Variants in DCDC1 observed in about 807,000 individuals in gnomAD.
DCDC1 encodes doublecortin domain-containing protein 1.
DCDC1 carries 200 observed loss-of-function variants against 178.3 expected under a neutral mutation model. The ratio of observed to expected loss-of-function variants is 1.12; its 90% CI spans 1.00 to 1.26. The LOEUF (loss-of-function observed/expected upper bound fraction) is 1.26, where lower values mean the gene tolerates loss of function less well. Ranked by LOEUF, DCDC1 falls within the 50% of genes most tolerant of loss-of-function variation. The probability of loss-of-function intolerance (pLI) is 0.00; values close to 1 mark genes in which losing one functional copy is unlikely to be tolerated. For missense variants in DCDC1, 1,983 were observed against 1,749.2 expected (o/e 1.13, Z -2.38); for synonymous variants, 690 against 604.8 (o/e 1.14, Z -2.07).
rs1427064441 is a variant in DCDC1, at chr11:31,317,501, G to A, written c.165-9593C>T. Among the ~76,000 whole-genome samples, 3 of 57,740 alleles carry A rather than the reference G, an allele frequency of 5.2e-5. 1 individual carries two copies. Among genetic ancestry groups the A allele is most frequent in the Non-Finnish European group, 8.9e-5 (3 of 33,712 alleles). 37.9% of individuals were successfully genotyped at this position (57,740 alleles called of 152,430 possible). On this transcript the variant is annotated intron_variant, in intron 3 of 38. Coordinates refer to ENST00000684477, the MANE Select transcript of DCDC1 (RefSeq NM_001387274.1). ...AGAATGCTTGTGATTCTTGTACATTGATTTTGTATCCTGAGACTTTGCTGA... is the reference window on the plus strand; with the variant it reads ...AGAATGCTTGTGATTCTTGTACATTAATTTTGTATCCTGAGACTTTGCTGA...
intron 9 of DCDC1, among the ~76,000 whole-genome samples, chr11:31,147,805 G>A (rs1964607847): frequency 1.3e-5 from 2 of 152,166 alleles, no homozygotes; most frequent in African/African-American, 4.8e-5. Flanking sequence ...TTTAAGGGAA[G>A]GCCAAAGAAA....
chr11:30,887,165 T>C (rs1214733369), intron 36 of DCDC1, among the ~76,000 whole-genome samples: 1 of 152,192 alleles, frequency 6.6e-6, no homozygotes, highest in East Asian at 1.9e-4. Flanking sequence ...TAATGACATA[T>C]CATGCATGGA....
intron 7 of DCDC1, among the ~76,000 whole-genome samples, chr11:31,285,245 T>C (rs1417437992): frequency 6.8e-6 from 1 of 146,240 alleles, no homozygotes; most frequent in East Asian, 1.9e-4. Context: ...TTAAAACTCT[T>C]CTTTTGTGTT....
intron 9 of DCDC1, among the ~76,000 whole-genome samples, chr11:31,228,018 T>C (rs1481946484): frequency 1.3e-5 from 2 of 151,988 alleles, no homozygotes; most frequent in Non-Finnish European, 2.9e-5. Flanking sequence ...GAAAACATTG[T>C]TAGAACTGAA....
In DCDC1 at chr11:31,094,369, T is replaced by C. The variant is rs558310304; in HGVS notation, c.1984-185A>G. 3.9e-5 allele frequency among the ~76,000 whole-genome samples: 6 copies of C among 152,328 alleles called. No individual in the cohort carries two copies. In the East Asian group the frequency reaches 1.2e-3, roughly 29 times the overall value. ...TATTTGTTGAGCACCAACTCTATTA[T>C]GCAAGACCCTATGCTGTGTGGTGTG... On this transcript the variant is annotated intron_variant, in intron 15 of 38. Coordinates refer to ENST00000684477, the MANE Select transcript of DCDC1 (RefSeq NM_001387274.1).
intron 10 of DCDC1, among the ~76,000 whole-genome samples, chr11:31,133,585 T>C (rs1962730182): frequency 6.6e-6 from 1 of 152,234 alleles, no homozygotes; most frequent in South Asian, 2.1e-4. Flanking sequence ...GAGAGCAAAG[T>C]GAACTATCCC....
intron 8 of DCDC1, among the ~76,000 whole-genome samples, chr11:31,246,413 A>G (rs1943568997): frequency 6.6e-6 from 1 of 151,982 alleles, no homozygotes; most frequent in Non-Finnish European, 1.5e-5. Context: ...GATATCATTT[A>G]GAAATACACC....
intron 20 of DCDC1, among the ~76,000 whole-genome samples, chr11:31,063,997 G>A (rs1956113681): frequency 6.6e-6 from 1 of 152,054 alleles, no homozygotes; most frequent in South Asian, 2.1e-4. Flanking sequence ...CAATATCAAT[G>A]ATGTTATTTT....
intron 20 of DCDC1, among the ~76,000 whole-genome samples, chr11:30,984,314 C>T (rs1053061622): frequency 2.0e-5 from 3 of 152,136 alleles, no homozygotes; most frequent in African/African-American, 7.2e-5. Context: ...AACAAATATG[C>T]CACTCAGCAC....
chr11:31,064,067 A>G (rs1956117529), intron 20 of DCDC1, among the ~76,000 whole-genome samples: 1 of 152,142 alleles, frequency 6.6e-6, no homozygotes, highest in African/African-American at 2.4e-5. Context: ...TCTTTTGTGC[A>G]CTTAACCTTG....
At position 31,064,338 on chromosome 11, in the gene DCDC1, A is replaced by T. The variant is rs11031274; in HGVS notation, c.2591+131T>A. The T allele has an allele frequency of 5.1e-6, 3 of 592,696 alleles. No individual in the cohort carries two copies. The East Asian group carries it at 7.7e-5, about 15-fold the overall frequency. The allele number at this position is 592,696 out of a possible 1,614,324, so 36.7% of individuals were successfully genotyped here. A position where few individuals can be genotyped will look rare whatever the true frequency, so the allele number is the denominator to read the frequency against. Reference sequence around the variant, plus strand: ...CTTTCTTCATCAAATGTGACCCAAAAACTACTACGCTTGAAAGCCAAAGGG... The same window carrying T: ...CTTTCTTCATCAAATGTGACCCAAATACTACTACGCTTGAAAGCCAAAGGG... On this transcript the variant is annotated intron_variant, in intron 20 of 38. Coordinates refer to ENST00000684477, the MANE Select transcript of DCDC1 (RefSeq NM_001387274.1).
intron 7 of DCDC1, among the ~76,000 whole-genome samples, chr11:31,271,400 C>G (rs886925941): frequency 1.3e-5 from 2 of 152,216 alleles, no homozygotes; most frequent in Admixed American, 1.3e-4. Flanking sequence ...GATATTGAAA[C>G]GTAAGTCTTT....
At chr11:30,898,540 G>A (rs1016456302) in intron 34 of DCDC1, among the ~76,000 whole-genome samples, 3 of 152,104 alleles carry the variant, frequency 2.0e-5, no homozygotes, top group African/African-American at 7.2e-5. Flanking sequence ...GGAACACCTG[G>A]GTAGATGGTA....
intron 20 of DCDC1, among the ~76,000 whole-genome samples, chr11:31,017,229 G>C (rs1340744409): frequency 1.3e-5 from 2 of 152,106 alleles, no homozygotes; most frequent in Non-Finnish European, 2.9e-5. Flanking sequence ...CTTACATGCA[G>C]ATTTTCTTCC....
intron 38 of DCDC1, among the ~76,000 whole-genome samples, chr11:30,873,337 G>GTGTA (rs1554953024): frequency 7.2e-6 from 1 of 138,310 alleles, no homozygotes; most frequent in African/African-American, 2.9e-5. Flanking sequence ...AAATGTGTGT[G>GTGTA]TATATACATA....
chr11:31,073,443 C>T (rs927937300), intron 18 of DCDC1, among the ~76,000 whole-genome samples: 12 of 152,058 alleles, frequency 7.9e-5, no homozygotes, highest in African/African-American at 2.7e-4. Context: ...TGTCTGTTGA[C>T]GGAAAGAGTG....
intron 9 of DCDC1, among the ~76,000 whole-genome samples, chr11:31,219,492 T>C (rs935882055): frequency 2.0e-5 from 3 of 152,120 alleles, no homozygotes; most frequent in African/African-American, 7.2e-5. Flanking sequence ...AACCCCTTAC[T>C]GTAAGACAGA....
chr11:31,352,516 C>A (rs933251908), intron 1 of DCDC1, among the ~76,000 whole-genome samples: 1 of 152,154 alleles, frequency 6.6e-6, no homozygotes, highest in African/African-American at 2.4e-5. Flanking sequence ...AAACTTTCAA[C>A]ACAACAACTT....
chr11:31,263,705 A>G (rs1389555934), intron 8 of DCDC1, among the ~76,000 whole-genome samples: 1 of 152,236 alleles, frequency 6.6e-6, no homozygotes, highest in African/African-American at 2.4e-5. Context: ...ATGATAAATC[A>G]AGGAAAGAGT....
Sources: gnomAD v4.1 joint callset for allele counts (sites outside exome capture counted in the v4.1 genomes callset) on GRCh38, gnomAD v4.1.1 for gene constraint, MANE v1.5 for transcripts, NCBI Gene and HGNC (gene_info 2026-07-23, HGNC 2026-07-21) for gene names.